The following PUM1 variants were observed in gnomAD, a reference collection of about 807,000 sequenced individuals.
The protein encoded by PUM1 is pumilio homolog 1.
Under a neutral mutation model 131.8 loss-of-function variants are expected in PUM1, and 13 were observed. That is an observed-to-expected ratio of 0.10 (90% confidence interval 0.06 to 0.16). PUM1 has a LOEUF of 0.16. PUM1 is among the 10% of genes least tolerant of loss of function. The pLI, the probability that PUM1 is intolerant of heterozygous loss-of-function variation, is 1.00. For synonymous variants in PUM1, 509 were observed against 556.5 expected, an observed-to-expected ratio of 0.91 and a Z score of 1.20; for missense variants, 961 against 1,512.4, an observed-to-expected ratio of 0.64 and a Z score of 6.05.
chr1:31,057,766 G>C (rs1194649323), intron 2 of PUM1, among the ~76,000 whole-genome samples: 1 of 149,874 alleles, frequency 6.7e-6, no homozygotes, highest in African/African-American at 2.5e-5. Context: ...GTTCACTTTT[G>C]GGGGGATCAG....
chr1:31,065,495 C>G (rs972125505), intron 1 of PUM1, 121 bp downstream of exon 1: 2 of 1,223,736 alleles, frequency 1.6e-6, no homozygotes. Flanking sequence ...GCCAGGGCCC[C>G]GGCGGCTTTT....
intron 5 of PUM1, among the ~76,000 whole-genome samples, chr1:30,998,185 T>C (rs1369965209): frequency 6.6e-6 from 1 of 152,152 alleles, no homozygotes; most frequent in African/African-American, 2.4e-5. Context: ...TACACTTCTC[T>C]GAACATAGGT....
At chr1:31,029,862 C>T (rs924681009) in intron 2 of PUM1, among the ~76,000 whole-genome samples, 2 of 145,890 alleles carry the variant, frequency 1.4e-5, no homozygotes, top group South Asian at 2.2e-4. Flanking sequence ...TGCAGTGAGC[C>T]GTGATCGCAC....
At chr1:31,057,405 C>CAAAAA (rs1223950994) in intron 2 of PUM1, among the ~76,000 whole-genome samples, 24 of 68,766 alleles carry the variant, frequency 3.5e-4, no homozygotes, top group African/African-American at 1.3e-3. Flanking sequence ...GACCTTGTCT[C>CAAAAA]AAAAAAAAAA....
rs369431606 is a variant in PUM1 at position 31,015,467 on chromosome 1, G to T, written c.433-8365C>A. The stretch of plus-strand genomic sequence containing the variant: ...CGCCATTCTCCTGCCTCAGCTTCCC[G>T]AGTAGCTGGGAATACAGGCACCTGC... On this transcript the variant is annotated intron_variant, in intron 3 of 21. Coordinates refer to ENST00000426105, the MANE Select transcript of PUM1 (RefSeq NM_001020658.2). Among the ~76,000 whole-genome samples the T allele has an allele frequency of 6.7e-4, 101 of 151,336 alleles. No homozygotes were observed. In the East Asian group the frequency reaches 0.016, roughly 25 times the overall value.
chr1:31,013,716 T>A (rs1279106965), intron 3 of PUM1, among the ~76,000 whole-genome samples: 3 of 151,854 alleles, frequency 2.0e-5, no homozygotes, highest in African/African-American at 7.3e-5. Flanking sequence ...CTAACTGAAA[T>A]GAGGAAGTTT....
intron 14 of PUM1, among the ~76,000 whole-genome samples, chr1:30,962,639 T>C (rs1434152274): frequency 6.6e-6 from 1 of 152,184 alleles, no homozygotes; most frequent in East Asian, 1.9e-4. Context: ...CTTGAACTCC[T>C]GACCTCAAGT....
intron 5 of PUM1, among the ~76,000 whole-genome samples, chr1:30,999,496 A>T (rs1642115347): frequency 6.6e-6 from 1 of 151,240 alleles, no homozygotes; most frequent in Non-Finnish European, 1.5e-5. Context: ...AATCCCAGCT[A>T]CTCGGGAGGC....
At chr1:31,057,410 A>AG (rs1427541836) in intron 2 of PUM1, among the ~76,000 whole-genome samples, 24 of 147,776 alleles carry the variant, frequency 1.6e-4, no homozygotes, top group Non-Finnish European at 3.3e-4. Flanking sequence ...TGTCTCAAAA[A>AG]AAAAAAAAAA....
Position 30,932,497 on chromosome 1 carries a change from CAA to C in PUM1, c.*712_*713del, listed in dbSNP as rs946817254. 3.3e-5 allele frequency: 5 copies of C among 151,842 alleles called. No individual in the cohort carries two copies. Among genetic ancestry groups the C allele is most frequent in the African/African-American group, 9.7e-5 (4 of 41,346 alleles). The allele number at this position is 151,842 out of a possible 1,614,324, so 9.4% of individuals were successfully genotyped here. On this transcript the variant is annotated 3_prime_UTR_variant, in exon 22 of 22. Transcript: ENST00000426105. The stretch of plus-strand genomic sequence containing the variant: ...GTAAACAATCACACCCGCCCAGCCT[CAA>C]AAGACGTTCTGGGTGCTCGCATCTC...
intron 2 of PUM1, among the ~76,000 whole-genome samples, chr1:31,053,235 C>G (rs1481607988): frequency 6.7e-6 from 1 of 149,566 alleles, no homozygotes; most frequent in Non-Finnish European, 1.5e-5. Context: ...CGCCTGACCT[C>G]GTGATCCACC....
chr1:30,969,236 G>A (rs1180779904), intron 10 of PUM1, among the ~76,000 whole-genome samples: 4 of 150,786 alleles, frequency 2.7e-5, no homozygotes, highest in East Asian at 3.9e-4. Context: ...CCTGGGAGGC[G>A]GAGGTTGCAG....
rs61780468 is a variant in PUM1, at chr1:31,012,234, C to T, written c.433-5132G>A. Among the ~76,000 whole-genome samples, 537 of 150,276 alleles carry T rather than the reference C, an allele frequency of 3.6e-3. 2 individuals are homozygous for T. The highest frequency in any genetic ancestry group is 5.2e-3 in the Non-Finnish European group (351 of 67,738). On this transcript the variant is annotated intron_variant, in intron 3 of 21. Transcript: ENST00000426105. ...TCCTTAAAAAAAAAAAATCAGCAGA[C>T]TGCATTTTGGTTTTCATACATTAGC...
At chr1:30,992,351 G>C in intron 7 of PUM1, 39 bp downstream of exon 7, 1 of 1,592,750 alleles carries the variant, frequency 6.3e-7, no homozygotes. Flanking sequence ...GTGCTGGCTG[G>C]AGGGAGAGTA....
intron 3 of PUM1, among the ~76,000 whole-genome samples, chr1:31,010,935 G>A (rs1642588255): frequency 6.6e-6 from 1 of 152,162 alleles, no homozygotes; most frequent in Non-Finnish European, 1.5e-5. Context: ...TTCTAAGGGT[G>A]AGGCCAGGAG....
chr1:31,059,093 C>T, intron 2 of PUM1, 111 bp downstream of exon 2: 5 of 1,252,216 alleles, frequency 4.0e-6, no homozygotes, highest in Non-Finnish European at 4.4e-6. Context: ...CTGTTTGTAC[C>T]AAATGAAATC....
At chr1:30,953,136 A>G (rs918062799) in intron 15 of PUM1, among the ~76,000 whole-genome samples, 2 of 152,244 alleles carry the variant, frequency 1.3e-5, no homozygotes, top group Admixed American at 6.5e-5. Context: ...AATATGAGAA[A>G]TTTTGGCCCA....
intron 5 of PUM1, among the ~76,000 whole-genome samples, chr1:31,000,400 C>A (rs1642165515): frequency 6.6e-6 from 1 of 152,062 alleles, no homozygotes; most frequent in Admixed American, 6.6e-5. Context: ...AAGAGTGGAA[C>A]CAAGATGGGT....
At chr1:31,011,293 G>C (rs1642611073) in intron 3 of PUM1, among the ~76,000 whole-genome samples, 1 of 151,830 alleles carries the variant, frequency 6.6e-6, no homozygotes, top group African/African-American at 2.4e-5. Context: ...TTGTATATTT[G>C]AAACACTTCT....
Sources: allele counts gnomAD v4.1 joint callset (sites outside exome capture counted in the v4.1 genomes callset), GRCh38; gene constraint gnomAD v4.1.1; transcripts MANE v1.5; gene names NCBI Gene and HGNC (gene_info 2026-07-23, HGNC 2026-07-21).